UNC13A: variants seen among roughly 807,000 people sequenced by gnomAD.
UNC13A encodes unc-13 homolog A.
Under a neutral mutation model 219.7 loss-of-function variants are expected in UNC13A, and 61 were observed. The observed-to-expected ratio is 0.28, with a 90% CI of 0.23 to 0.34. The LOEUF is 0.34. UNC13A is among the 10% of genes least tolerant of loss of function. The pLI, the probability that UNC13A is intolerant of heterozygous loss-of-function variation, is 1.00. For synonymous variants in UNC13A, 920 were observed against 884.6 expected, an observed-to-expected ratio of 1.04 and a Z score of -0.71; for missense variants, 1,476 against 2,270.3, an observed-to-expected ratio of 0.65 and a Z score of 7.11.
chr19:17,672,472 C>T lies in UNC13A; in HGVS notation c.176G>A (p.Gly59Glu). ...FMFEINRLDL[G>E]LTVEVWNKGL... is the part of the protein sequence containing the mutation. The stretch of plus-strand genomic sequence containing the variant: ...CTTATTCCACACCTCCACCGTCAGT[C>T]CCAAATCCAGACGGTTAATCTCGCT... The change falls in exon 4 of 44, where the codon GGA (glycine) becomes GAA (glutamate). Residue 59 changes from glycine to glutamate, a missense_variant. Around this residue, in one of 14 missense-constraint regions of UNC13A, gnomAD observed 203 missense variants for 301.6 expected, o/e 0.67. Coordinates refer to ENST00000519716, the MANE Select transcript of UNC13A (RefSeq NM_001080421.3). The T allele has an allele frequency of 1.2e-6, 2 of 1,613,768 alleles. No homozygotes were observed. Among genetic ancestry groups the T allele is most frequent in the Non-Finnish European group, 1.7e-6 (2 of 1,179,802 alleles).
In UNC13A at chr19:17,676,048, A is replaced by G. The variant is rs1362788047; in HGVS notation, c.23-7T>C. Reference sequence around the variant, plus strand: ...TCAAACTTGGCTTTTTTGACTGTGGAGAGAGACAGAGATAGGGAAGGGAGG... The same window carrying G: ...TCAAACTTGGCTTTTTTGACTGTGGGGAGAGACAGAGATAGGGAAGGGAGG... On this transcript the variant is annotated splice_polypyrimidine_tract_variant and splice_region_variant and intron_variant, in intron 1 of 43. Coordinates refer to ENST00000519716, the MANE Select transcript of UNC13A (RefSeq NM_001080421.3). 6.4e-7 allele frequency: 1 copy of G among 1,551,746 alleles called. No homozygotes were observed. The highest frequency in any genetic ancestry group is 8.7e-7 in the Non-Finnish European group (1 of 1,146,976).
chr19:17,649,063 G>A lies in UNC13A; in HGVS notation c.1525-80C>T. Reference sequence around the variant, plus strand: ...CCAGGAGAGTTCACAGCCACGGATGGGGCCAGCAGCCACATTTTGGAGCCA... The same window carrying A: ...CCAGGAGAGTTCACAGCCACGGATGAGGCCAGCAGCCACATTTTGGAGCCA... On this transcript the variant is annotated intron_variant, in intron 14 of 43. Coordinates refer to ENST00000519716, the MANE Select transcript of UNC13A (RefSeq NM_001080421.3). This position sits in a 1 kb window ranked among gnomAD's most constrained non-coding sequence, Gnocchi z 4.4. The A allele has an allele frequency of 7.0e-7, 1 of 1,434,962 alleles. No homozygotes were observed. The highest frequency in any genetic ancestry group is 9.4e-7 in the Non-Finnish European group (1 of 1,059,596). The allele number at this position is 1,434,962 out of a possible 1,614,324, so 88.9% of individuals were successfully genotyped here.
chr19:17,679,941 T>A (rs1446130206), intron 1 of UNC13A, among the ~76,000 whole-genome samples: 2 of 151,980 alleles, frequency 1.3e-5, no homozygotes, highest in East Asian at 3.9e-4. Context: ...GGCTGTACCC[T>A]CTGATAGCTG....
At chr19:17,646,505 C>G (rs2077028651) in intron 17 of UNC13A, among the ~76,000 whole-genome samples, 1 of 152,056 alleles carries the variant, frequency 6.6e-6, no homozygotes. Flanking sequence ...ATCCGCCTGC[C>G]TCAGCCTCAG....
chr19:17,641,247 G>T, intron 21 of UNC13A, 146 bp downstream of exon 21: 1 of 995,818 alleles, frequency 1.0e-6, no homozygotes. Context: ...GCGCTCTCCT[G>T]ATCTCCAGGG....
At chr19:17,665,363 AG>A (rs1309680574) in intron 7 of UNC13A, among the ~76,000 whole-genome samples, 2 of 152,118 alleles carry the variant, frequency 1.3e-5, no homozygotes, top group Non-Finnish European at 2.9e-5. Context: ...CATTTTAAGG[AG>A]GGAGACAGCT....
chr19:17,674,181 T>TG lies in UNC13A; in HGVS notation c.152+475dup, dbSNP rs11428550. Among the ~76,000 whole-genome samples, 27,298 of 151,948 alleles carry TG rather than the reference T, an allele frequency of 0.18. 2,595 individuals are homozygous for TG. Among genetic ancestry groups the TG allele is most frequent in the East Asian group, 0.32 (1,626 of 5,144 alleles). ...GACAGGAGAGCAAGTGCAAGGGCCC[T>TG]GGGGCAAGAACAAGCTGGGAAGTGT... On this transcript the variant is annotated intron_variant, in intron 3 of 43. Transcript: ENST00000519716. This position sits in a 1 kb window ranked among gnomAD's most constrained non-coding sequence, Gnocchi z 5.0.
At chr19:17,622,967 C>T (rs2076744378) in intron 36 of UNC13A, 1 of 152,380 alleles carries the variant, frequency 6.6e-6, no homozygotes, top group African/African-American at 2.4e-5. Context: ...TGACAAAAGT[C>T]TCCCACTTGG....
At chr19:17,687,194 T>TG (rs941106263) in intron 1 of UNC13A, among the ~76,000 whole-genome samples, 3 of 151,966 alleles carry the variant, frequency 2.0e-5, no homozygotes, top group Non-Finnish European at 2.9e-5. Flanking sequence ...AGGTGTGGGG[T>TG]GGGGGGTCAT....
rs757237261 is a variant in UNC13A, at chr19:17,649,634, C to T, written c.1440-47G>A. ...TGAGGGCCCAGATGTCCCTATTCCTCACATAGAGCCCTGGGGAGAACATTC... is the reference window on the plus strand; with the variant it reads ...TGAGGGCCCAGATGTCCCTATTCCTTACATAGAGCCCTGGGGAGAACATTC... On this transcript the variant is annotated intron_variant, in intron 12 of 43. Coordinates refer to ENST00000519716, the MANE Select transcript of UNC13A (RefSeq NM_001080421.3). This position sits in a 1 kb window ranked among gnomAD's most constrained non-coding sequence, Gnocchi z 4.4. 198 of 1,606,478 alleles carry T rather than the reference C, an allele frequency of 1.2e-4. No individual in the cohort carries two copies. The highest frequency in any genetic ancestry group is 1.6e-4 in the Non-Finnish European group (189 of 1,173,544).
At chr19:17,665,378 C>T (rs2079622171) in intron 7 of UNC13A, among the ~76,000 whole-genome samples, 1 of 152,156 alleles carries the variant, frequency 6.6e-6, no homozygotes, top group Non-Finnish European at 1.5e-5. Context: ...GACAGCTCCT[C>T]CATCCATGAA....
intron 1 of UNC13A, among the ~76,000 whole-genome samples, chr19:17,678,373 G>C (rs2079941078): frequency 6.6e-6 from 1 of 152,138 alleles, no homozygotes; most frequent in Admixed American, 6.5e-5. Context: ...CAGCTACTCG[G>C]GAGGCTGAGG....
At chr19:17,636,250 T>C in intron 25 of UNC13A, 93 bp from the exon 26 acceptor site, 1 of 1,403,104 alleles carries the variant, frequency 7.1e-7, no homozygotes, top group Non-Finnish European at 9.6e-7. Flanking sequence ...TTTAGAGGAA[T>C]GCATCCCATC....
intron 34 of UNC13A, among the ~76,000 whole-genome samples, chr19:17,625,309 G>C (rs2076771079): frequency 6.6e-6 from 1 of 152,140 alleles, no homozygotes; most frequent in Non-Finnish European, 1.5e-5. Flanking sequence ...GAAGGATGGA[G>C]ATCAGGGACT....
At chr19:17,619,824 T>C (rs1212399849) in intron 38 of UNC13A, among the ~76,000 whole-genome samples, 1 of 151,960 alleles carries the variant, frequency 6.6e-6, no homozygotes, top group East Asian at 1.9e-4. Flanking sequence ...AGCAAGATGG[T>C]GATGTGGTGA....
chr19:17,652,447 A>G (rs1249369504), intron 12 of UNC13A, among the ~76,000 whole-genome samples, 184 bp downstream of exon 12: 1 of 152,094 alleles, frequency 6.6e-6, no homozygotes, highest in Non-Finnish European at 1.5e-5. Flanking sequence ...TTCAAAGATT[A>G]CTGTCTTTTG....
At position 17,620,730 on chromosome 19, in the gene UNC13A, G is replaced by A. The variant is rs369026046; in HGVS notation, c.4243-8C>T. 510 of 1,612,816 alleles carry A rather than the reference G, an allele frequency of 3.2e-4. No homozygotes were observed. The highest frequency in any genetic ancestry group is 4.1e-4 in the Non-Finnish European group (480 of 1,179,586). ...TGGCAATTTCACCCTGCCCTGTGGA[G>A]AGAATCAGGTGGAGGTCAGAGTTCT... On this transcript the variant is annotated splice_polypyrimidine_tract_variant and splice_region_variant and intron_variant, in intron 37 of 43. Transcript: ENST00000519716.
chr19:17,663,040 G>T lies in UNC13A; in HGVS notation c.559+492C>A, dbSNP rs145023946. ...TGAGGTGTGAGTGTGGGTGGACCTGGGGGGTGCTGAGGTCCCTGTGTGCAT... is the reference window on the plus strand; with the variant it reads ...TGAGGTGTGAGTGTGGGTGGACCTGTGGGGTGCTGAGGTCCCTGTGTGCAT... On this transcript the variant is annotated intron_variant, in intron 8 of 43. Coordinates refer to ENST00000519716, the MANE Select transcript of UNC13A (RefSeq NM_001080421.3). Among the ~76,000 whole-genome samples, 93 of 152,124 alleles carry T rather than the reference G, an allele frequency of 6.1e-4. 2 individuals are homozygous for T. In the East Asian group the frequency reaches 0.017, roughly 27 times the overall value.
intron 36 of UNC13A, chr19:17,622,819 C>T (rs2076742669): frequency 6.6e-6 from 1 of 152,594 alleles, no homozygotes; most frequent in South Asian, 1.9e-4. Context: ...TAGAACTACC[C>T]TCAGGGAGGT....
Sources: allele counts gnomAD v4.1 joint callset (sites outside exome capture counted in the v4.1 genomes callset), GRCh38; gene constraint gnomAD v4.1.1; regional missense constraint gnomAD v4.1.1; non-coding constraint Gnocchi (gnomAD v3.1); transcripts MANE v1.5; gene names NCBI Gene and HGNC (gene_info 2026-07-23, HGNC 2026-07-21).